SLC35F1: variants seen among roughly 807,000 people sequenced by gnomAD.
The protein encoded by SLC35F1 is chromosome 6 open reading frame 169.
SLC35F1 carries 14 observed loss-of-function variants against 48.7 expected under a neutral mutation model. That is an observed-to-expected ratio of 0.29 (90% CI 0.19 to 0.45). The LOEUF (loss-of-function observed/expected upper bound fraction) is 0.45, where lower values mean the gene tolerates loss of function less well. Ranked by LOEUF, SLC35F1 falls within the 20% of genes least tolerant of loss-of-function variation. The pLI, the probability that SLC35F1 is intolerant of heterozygous loss-of-function variation, is 1.00. For synonymous variants in SLC35F1, 190 were observed against 202.2 expected (o/e 0.94, Z 0.51); for missense variants, 404 against 500.0 (o/e 0.81, Z 1.83).
At chr6:118,019,166 A>G (rs1483326768) in intron 1 of SLC35F1, among the ~76,000 whole-genome samples, 1 of 151,728 alleles carries the variant, frequency 6.6e-6, no homozygotes, top group Non-Finnish European at 1.5e-5. Context: ...TTGAATAAAT[A>G]TAATTGTAAT....
intron 1 of SLC35F1, among the ~76,000 whole-genome samples, chr6:117,935,985 G>A (rs1170146072): frequency 1.3e-5 from 2 of 152,190 alleles, no homozygotes; most frequent in African/African-American, 2.4e-5. Flanking sequence ...CTTTGTTCAA[G>A]TATGTTTGAA....
At chr6:118,242,835 G>A (rs908309181) in intron 3 of SLC35F1, among the ~76,000 whole-genome samples, 1 of 152,136 alleles carries the variant, frequency 6.6e-6, no homozygotes, top group Non-Finnish European at 1.5e-5. Context: ...ATTCACTCAC[G>A]TTGGGAACAA....
intron 7 of SLC35F1, among the ~76,000 whole-genome samples, chr6:118,299,926 G>T (rs534838994): frequency 6.6e-6 from 1 of 152,234 alleles, no homozygotes; most frequent in East Asian, 1.9e-4. Context: ...CACCAAAGGG[G>T]GGTCATAATA....
chr6:118,084,810 A>G (rs915297987), intron 1 of SLC35F1, among the ~76,000 whole-genome samples: 4 of 152,066 alleles, frequency 2.6e-5, no homozygotes, highest in Non-Finnish European at 5.9e-5. Flanking sequence ...CCCAGCTGTC[A>G]GTACTTGCTC....
intron 1 of SLC35F1, among the ~76,000 whole-genome samples, chr6:118,147,506 G>A (rs559873470): frequency 7.9e-5 from 12 of 152,238 alleles, no homozygotes; most frequent in African/African-American, 2.9e-4. Context: ...TATTGAAAGG[G>A]AGCATAAGAA....
At position 118,285,592 on chromosome 6, in the gene SLC35F1, C is replaced by G. The variant is rs145186029; in HGVS notation, c.1002+254C>G. The stretch of plus-strand genomic sequence containing the variant: ...CCATAAAGGAAAGAGCTTTTGAATA[C>G]TGGGGACAGCTTTCCTGATAGCATT... On this transcript the variant is annotated intron_variant, in intron 7 of 7. Coordinates refer to ENST00000360388, the MANE Select transcript of SLC35F1 (RefSeq NM_001029858.4). Among the ~76,000 whole-genome samples, 446 of 152,322 alleles carry G rather than the reference C, an allele frequency of 2.9e-3. 2 individuals carry two copies. Among genetic ancestry groups the G allele is most frequent in the African/African-American group, 1.0e-2 (415 of 41,576 alleles).
intron 1 of SLC35F1, among the ~76,000 whole-genome samples, chr6:118,084,046 A>G (rs1163890041): frequency 6.6e-6 from 1 of 152,188 alleles, no homozygotes; most frequent in African/African-American, 2.4e-5. Context: ...GATGAGATAG[A>G]AGTTTTAATT....
intron 1 of SLC35F1, among the ~76,000 whole-genome samples, chr6:117,976,335 T>G (rs1171439658): frequency 2.0e-5 from 3 of 152,216 alleles, no homozygotes; most frequent in East Asian, 3.8e-4. Flanking sequence ...AGAAAACTGC[T>G]AATTGGCTTT....
intron 1 of SLC35F1, among the ~76,000 whole-genome samples, chr6:118,140,930 T>C (rs1006510865): frequency 2.6e-5 from 4 of 152,246 alleles, no homozygotes; most frequent in African/African-American, 7.2e-5. Context: ...GTTTATGTTT[T>C]GAGCTAAGTG....
chr6:118,171,151 C>G (rs945588690), intron 2 of SLC35F1, among the ~76,000 whole-genome samples: 2 of 152,126 alleles, frequency 1.3e-5, no homozygotes, highest in Non-Finnish European at 2.9e-5. Flanking sequence ...ATCCTCCTAC[C>G]TTAGCCTCCC....
At chr6:118,288,447 G>A (rs1028644230) in intron 7 of SLC35F1, among the ~76,000 whole-genome samples, 8 of 152,138 alleles carry the variant, frequency 5.3e-5, no homozygotes, top group Admixed American at 2.0e-4. Context: ...CAAAGCAGAG[G>A]CTTCCAGGTC....
Position 118,285,345 on chromosome 6 carries a change from T to G in SLC35F1, c.1002+7T>G. ...GTTTCTCTTCCACTACAAGGTAAGT[T>G]GAGTGAGTGCTCCTTTGTGAAGATG... On this transcript the variant is annotated splice_region_variant and intron_variant, in intron 7 of 7. Coordinates refer to ENST00000360388, the MANE Select transcript of SLC35F1 (RefSeq NM_001029858.4). 4.3e-6 allele frequency: 7 copies of G among 1,613,808 alleles called. No homozygotes were observed. The highest frequency in any genetic ancestry group is 5.9e-6 in the Non-Finnish European group (7 of 1,179,730).
At chr6:118,274,101 G>C (rs1775890903) in intron 4 of SLC35F1, among the ~76,000 whole-genome samples, 1 of 152,166 alleles carries the variant, frequency 6.6e-6, no homozygotes, top group African/African-American at 2.4e-5. Context: ...CCAGGGCTAA[G>C]CTATCATGAG....
chr6:118,037,870 G>C (rs935435508), intron 1 of SLC35F1, among the ~76,000 whole-genome samples: 1 of 151,860 alleles, frequency 6.6e-6, no homozygotes, highest in Non-Finnish European at 1.5e-5. Flanking sequence ...GGCCTGTTGG[G>C]GGGTGGGGGG....
chr6:117,970,096 T>G (rs552952995), intron 1 of SLC35F1, among the ~76,000 whole-genome samples: 8 of 152,362 alleles, frequency 5.3e-5, no homozygotes, highest in African/African-American at 1.4e-4. Context: ...TTGGTGACTT[T>G]ACTTTTTGAT....
At chr6:117,910,640 G>A (rs912645983) in intron 1 of SLC35F1, among the ~76,000 whole-genome samples, 1 of 152,196 alleles carries the variant, frequency 6.6e-6, no homozygotes, top group Non-Finnish European at 1.5e-5. Context: ...TATTGCTGTG[G>A]GCTGGTAGGG....
At chr6:117,958,231 ATGTATT>A (rs1187367086) in intron 1 of SLC35F1, among the ~76,000 whole-genome samples, 1 of 152,220 alleles carries the variant, frequency 6.6e-6, no homozygotes, top group East Asian at 1.9e-4. Flanking sequence ...TAGCTGTACA[ATGTATT>A]TGTGTTTTAA....
chr6:118,313,357 C>T (rs571022812), intron 7 of SLC35F1, among the ~76,000 whole-genome samples: 3 of 152,270 alleles, frequency 2.0e-5, no homozygotes, highest in South Asian at 2.1e-4. Flanking sequence ...TCCCTCTCCC[C>T]GCAAACTCTA....
intron 1 of SLC35F1, among the ~76,000 whole-genome samples, chr6:117,908,116 G>A (rs1246486519): frequency 5.9e-5 from 9 of 152,236 alleles, no homozygotes; most frequent in Non-Finnish European, 1.0e-4. Flanking sequence ...AGCTGCAGCT[G>A]GTCCGAGGCG....
Sources: gnomAD v4.1 joint callset for allele counts (sites outside exome capture counted in the v4.1 genomes callset) on GRCh38, gnomAD v4.1.1 for gene constraint, MANE v1.5 for transcripts, NCBI Gene and HGNC (gene_info 2026-07-23, HGNC 2026-07-21) for gene names.